The following SBF1 variants were observed in gnomAD, a reference collection of about 807,000 sequenced individuals.
The protein encoded by SBF1 is myotubularin-related protein 5.
SBF1 carries 65 observed loss-of-function variants against 215.8 expected under a neutral mutation model. That is an observed-to-expected ratio of 0.30 (90% CI 0.25 to 0.37). The LOEUF is 0.37. Among genes scored for constraint, SBF1 ranks in the 10% least tolerant of loss-of-function variants. The pLI is 1.00. For synonymous variants in SBF1, 1,410 were observed against 1,122.8 expected (o/e 1.26, Z -5.11); for missense variants, 2,634 against 2,667.8 (o/e 0.99, Z 0.28).
At chr22:50,457,398 T>G (rs958644583) in intron 28 of SBF1, 2 of 373,832 alleles carry the variant, frequency 5.3e-6, no homozygotes, top group East Asian at 4.1e-5. Context: ...CAAACCAGCT[T>G]AGAGCAAGTC....
rs145935009 is a variant in SBF1, at chr22:50,453,186, G to A, written c.5043+1326C>T. Among the ~76,000 whole-genome samples, 299 of 152,184 alleles carry A rather than the reference G, an allele frequency of 2.0e-3. 1 individual carries two copies. Among genetic ancestry groups the A allele is most frequent in the African/African-American group, 6.9e-3 (285 of 41,522 alleles). On this transcript the variant is annotated intron_variant, in intron 36 of 40. Coordinates refer to ENST00000380817, the MANE Select transcript of SBF1 (RefSeq NM_002972.4). ...AACTCACCTTAAACATAAACACACAGACCAGTAAAAAATACAAGAAAACAA... is the reference window on the plus strand; with the variant it reads ...AACTCACCTTAAACATAAACACACAAACCAGTAAAAAATACAAGAAAACAA...
chr22:50,461,738 G>A lies in SBF1; in HGVS notation c.2644-20C>T, dbSNP rs2067522014. On this transcript the variant is annotated intron_variant, in intron 21 of 40. Coordinates refer to ENST00000380817, the MANE Select transcript of SBF1 (RefSeq NM_002972.4). ...CTTGGGCTGCTCGAAAACAAGAGCAGGAGCTCAGGATGCAGCCCGGGCCTT... is the reference window on the plus strand; with the variant it reads ...CTTGGGCTGCTCGAAAACAAGAGCAAGAGCTCAGGATGCAGCCCGGGCCTT... 4.3e-6 allele frequency: 7 copies of A among 1,609,646 alleles called. No individual in the cohort carries two copies. Among genetic ancestry groups the A allele is most frequent in the Non-Finnish European group, 5.9e-6 (7 of 1,178,006 alleles).
Position 50,462,543 on chromosome 22 carries a change from G to C in SBF1, c.2127+16C>G, listed in dbSNP as rs755596721. 2 of 1,609,904 alleles carry C rather than the reference G, an allele frequency of 1.2e-6. No homozygotes were observed. Among genetic ancestry groups the C allele is most frequent in the Non-Finnish European group, 1.7e-6 (2 of 1,178,600 alleles). The stretch of plus-strand genomic sequence containing the variant: ...CCCCTAGCCCCCAGCCCCCAGCCCA[G>C]GGAGTCCCTGCGCACCTGGGCGGGG... On this transcript the variant is annotated intron_variant, in intron 18 of 40. Coordinates refer to ENST00000380817, the MANE Select transcript of SBF1 (RefSeq NM_002972.4).
At chr22:50,464,465 T>G in intron 14 of SBF1, 24 bp from the exon 15 acceptor site, 1 of 1,608,138 alleles carries the variant, frequency 6.2e-7, no homozygotes, top group Non-Finnish European at 8.5e-7. Flanking sequence ...ATACACACAC[T>G]CGGACCCCTG....
chr22:50,460,524 A>AG lies in SBF1; in HGVS notation c.3146+9dup. 6.2e-7 allele frequency: 1 copy of AG among 1,613,588 alleles called. No individual in the cohort carries two copies. The highest frequency in any genetic ancestry group is 1.1e-5 in the South Asian group (1 of 91,066). ...GGCCCAGCTGCCCTGCCTGGGACCCAGATCCATACCTGAGGGAAGGACCCT... is the reference window on the plus strand; with the variant it reads ...GGCCCAGCTGCCCTGCCTGGGACCCAGGATCCATACCTGAGGGAAGGACCCT... On this transcript the variant is annotated intron_variant, in intron 24 of 40. Transcript: ENST00000380817.
rs548380300 is a variant in SBF1, at chr22:50,474,093, CCA to C, written c.55+691_55+692del. The stretch of plus-strand genomic sequence containing the variant: ...GAGCTCTCAGACACGGGCGCTGACC[CCA>C]CACACAGACCTCCTGGGCATGGGCA... On this transcript the variant is annotated intron_variant, in intron 1 of 40. Coordinates refer to ENST00000380817, the MANE Select transcript of SBF1 (RefSeq NM_002972.4). Among the ~76,000 whole-genome samples, 1,106 of 152,310 alleles carry C rather than the reference CCA, an allele frequency of 7.3e-3. 12 individuals carry two copies. The highest frequency in any genetic ancestry group is 0.025 in the African/African-American group (1,054 of 41,560).
At chr22:50,460,192 GGCCACTCCGCCT>G (rs1374660633) in intron 25 of SBF1, 33 bp from the exon 26 acceptor site, 6 of 1,606,108 alleles carry the variant, frequency 3.7e-6, no homozygotes, top group Admixed American at 3.3e-5. Context: ...GTCATCACGG[GGCCACTCCGCCT>G]GCCCTGATCC....
rs148590310 is a variant in SBF1 at position 50,448,894 on chromosome 22, C to T, written c.5044-244G>A. Reference sequence around the variant, plus strand: ...CAACATAATCAAGAAGCACTACAGACCCCAACAGGGTAAGTTAAAAACACA... The same window carrying T: ...CAACATAATCAAGAAGCACTACAGATCCCAACAGGGTAAGTTAAAAACACA... On this transcript the variant is annotated intron_variant, in intron 36 of 40. Coordinates refer to ENST00000380817, the MANE Select transcript of SBF1 (RefSeq NM_002972.4). Among the ~76,000 whole-genome samples, 9 of 152,286 alleles carry T rather than the reference C, an allele frequency of 5.9e-5. No homozygotes were observed. The East Asian group carries it at 1.7e-3, about 29-fold the overall frequency.
chr22:50,467,918 G>A lies in SBF1; in HGVS notation c.147C>T (p.Cys49=), dbSNP rs1047457873. 5.6e-6 allele frequency: 9 copies of A among 1,613,574 alleles called. No individual in the cohort carries two copies. Among genetic ancestry groups the A allele is most frequent in the Non-Finnish European group, 7.6e-6 (9 of 1,179,878 alleles). The change falls in exon 3 of 41, where the codon TGC becomes TGT. Residue 49 remains cysteine (C), a synonymous_variant. Transcript: ENST00000380817. ...NPFPQGIELF[C]QPSGWQLCPE... ...GACACAGCTGCCACCCGCTGGGCTG[G>A]CAAAACTGCAGGGAAGGCTCAGCAG...
intron 10 of SBF1, among the ~76,000 whole-genome samples, 168 bp downstream of exon 10, chr22:50,465,595 G>A (rs1027510297): frequency 4.6e-5 from 7 of 152,178 alleles, no homozygotes; most frequent in East Asian, 1.9e-4. Context: ...CACCACTCAC[G>A]ACCACCACTC....
At position 50,461,937 on chromosome 22, in the gene SBF1, A is replaced by G. The variant is rs2067532946; in HGVS notation, c.2569+10T>C. 6.2e-7 allele frequency: 1 copy of G among 1,613,290 alleles called. No homozygotes were observed. Among genetic ancestry groups the G allele is most frequent in the South Asian group, 1.1e-5 (1 of 91,040 alleles). Reference sequence around the variant, plus strand: ...ATCCAAGGGGGAATCACCAGCCCAAACCCCCGTACCTGGCACCATGACATG... The same window carrying G: ...ATCCAAGGGGGAATCACCAGCCCAAGCCCCCGTACCTGGCACCATGACATG... On this transcript the variant is annotated intron_variant, in intron 20 of 40. Transcript: ENST00000380817.
In SBF1 at chr22:50,456,369, C is replaced by A; in HGVS notation, c.4113G>T (p.Gln1371His). 6.8e-6 allele frequency: 11 copies of A among 1,613,164 alleles called. No individual in the cohort carries two copies. The highest frequency in any genetic ancestry group is 8.5e-6 in the Non-Finnish European group (10 of 1,179,992). ...LKGVRSDPLQ[Q>H]WELVPIEVFE... ...ATACCTCAATGGGCACCAGCTCCCA[C>A]TGCTGCAGGGGGTCTGACCGCACAC... The change falls in exon 31 of 41, where the codon CAG becomes CAT. Residue 1371 changes from glutamine (Q) to histidine (H), a missense_variant. Physicochemically the swap from Gln to His is conservative, Grantham distance 24 (BLOSUM62 0). Transcript: ENST00000380817.
intron 36 of SBF1, among the ~76,000 whole-genome samples, chr22:50,449,129 G>A (rs2066947209): frequency 6.6e-6 from 1 of 150,492 alleles, no homozygotes; most frequent in Admixed American, 6.6e-5. Context: ...CCGAGAACGC[G>A]CCACTGCACA....
Position 50,447,562 on chromosome 22 carries a change from C to G in SBF1, c.5411G>C (p.Trp1804Ser), listed in dbSNP as rs1556416216. 1 of 1,613,384 alleles carries G rather than the reference C, an allele frequency of 6.2e-7. No individual in the cohort carries two copies. Among genetic ancestry groups the G allele is most frequent in the Non-Finnish European group, 8.5e-7 (1 of 1,179,814 alleles). ...GTCCAGCACGAACCAGCGGGCCTTC[C>G]AAGGCTTCATGAAGGCCCCCTTCTT... ...LYKKGAFMKP[W>S]KARWFVLDKT... The change falls in exon 39 of 41, where the codon TGG (tryptophan) becomes TCG (serine). Residue 1804 changes from tryptophan (W) to serine (S), a missense_variant. Trp to Ser is a radical substitution (Grantham distance 177, BLOSUM62 -3). Transcript: ENST00000380817.
rs1230910853 is a variant in SBF1 at position 50,447,095 on chromosome 22, T to C, written c.*47A>G. On this transcript the variant is annotated 3_prime_UTR_variant, in exon 41 of 41. Coordinates refer to ENST00000380817, the MANE Select transcript of SBF1 (RefSeq NM_002972.4). ...CCGGGGCGGCCCTGCCCACCCCTAG[T>C]GGTCGGTAACGACCGGAAGCAGAGC... The C allele has an allele frequency of 5.2e-6, 8 of 1,542,268 alleles. No individual in the cohort carries two copies. The highest frequency in any genetic ancestry group is 4.1e-5 in the African/African-American group (3 of 73,484).
intron 5 of SBF1, 71 bp downstream of exon 5, chr22:50,467,267 T>G: frequency 7.6e-7 from 1 of 1,320,324 alleles, no homozygotes; most frequent in Non-Finnish European, 1.1e-6. Flanking sequence ...CTGGCTGGGC[T>G]CCAAATACCT....
intron 36 of SBF1, 113 bp from the exon 37 acceptor site, chr22:50,448,763 G>C: frequency 1.3e-6 from 1 of 753,962 alleles, no homozygotes; most frequent in Non-Finnish European, 2.2e-6. Context: ...TAACGCGTGT[G>C]TGACTGGCCA....
rs1176931104 is a variant in SBF1 at position 50,454,422 on chromosome 22, T to A, written c.5043+90A>T. On this transcript the variant is annotated intron_variant, in intron 36 of 40. Coordinates refer to ENST00000380817, the MANE Select transcript of SBF1 (RefSeq NM_002972.4). ...CCAGGGGTAACCGGACTTACGTGCA[T>A]GTACGAGTGTACACACACACGCACG... is the stretch of plus-strand genomic sequence containing the variant. The A allele has an allele frequency of 2.6e-6, 3 of 1,142,122 alleles. No individual in the cohort carries two copies. The East Asian group carries it at 7.1e-5, about 27-fold the overall frequency. The allele number at this position is 1,142,122 out of a possible 1,614,324, so 70.7% of individuals were successfully genotyped here. A position where few individuals can be genotyped will look rare whatever the true frequency, so the allele number is the denominator to read the frequency against.
At chr22:50,455,689 T>G (rs2067219247) in intron 31 of SBF1, 107 bp from the exon 32 acceptor site, 3 of 888,806 alleles carry the variant, frequency 3.4e-6, no homozygotes. Context: ...AGGCAGGCCC[T>G]GTCCACAGCC....
Sources: gnomAD v4.1 joint callset for allele counts (sites outside exome capture counted in the v4.1 genomes callset) on GRCh38, gnomAD v4.1.1 for gene constraint, MANE v1.5 for transcripts, NCBI Gene and HGNC (gene_info 2026-07-23, HGNC 2026-07-21) for gene names.